RBMS2: variants seen among roughly 807,000 people sequenced by gnomAD.
The protein encoded by RBMS2 is RNA binding motif single stranded interacting protein 2, also known as RNA-binding motif, single-stranded-interacting protein 2.
A neutral mutation model predicts 58.4 loss-of-function variants in RBMS2; 38 were observed. The observed-to-expected ratio is 0.65, with a 90% CI of 0.50 to 0.85. The LOEUF (loss-of-function observed/expected upper bound fraction) is 0.85. Among genes scored for constraint, RBMS2 ranks in the 40% least tolerant of loss-of-function variants. The pLI, the probability that RBMS2 is intolerant of heterozygous loss-of-function variation, is 0.00. For missense variants in RBMS2, 367 were observed against 503.7 expected (o/e 0.73, Z 2.60); for synonymous variants, 151 against 180.7 (o/e 0.84, Z 1.32).
intron 7 of RBMS2, 109 bp downstream of exon 7, chr12:56,581,617 C>A: frequency 8.1e-7 from 1 of 1,241,650 alleles, no homozygotes; most frequent in Non-Finnish European, 1.1e-6. Context: ...AGCTACAGTA[C>A]GTAATTGAGA....
In RBMS2 at chr12:56,590,453, A is replaced by G. The variant is rs1885222703; in HGVS notation, c.*1320A>G. ...ATCTAGTGGCTGCTAAACATCCTAC[A>G]CTGCATAGGATAGTCCCCACTACCC... On this transcript the variant is annotated 3_prime_UTR_variant, in exon 14 of 14. Coordinates refer to ENST00000262031, the MANE Select transcript of RBMS2 (RefSeq NM_002898.4). 1 of 152,212 alleles carries G rather than the reference A, an allele frequency of 6.6e-6. No individual in the cohort carries two copies. The allele number at this position is 152,212 out of a possible 1,614,324, so 9.4% of individuals were successfully genotyped here. A position where few individuals can be genotyped will look rare whatever the true frequency, so the allele number is the denominator to read the frequency against.
At chr12:56,574,267 G>C (rs1193640490) in intron 5 of RBMS2, among the ~76,000 whole-genome samples, 4 of 152,168 alleles carry the variant, frequency 2.6e-5, no homozygotes, top group Non-Finnish European at 5.9e-5. Context: ...CATTGAAAGA[G>C]AGCATGTCTT....
rs545160912 is a variant in RBMS2 at position 56,547,818 on chromosome 12, T to G, written c.67-14599T>G. ...TGCCCACTACCACGCCTGGCTAATTTTTTTTGTATTTTTAGTAAAGACGGG... is the reference window on the plus strand; with the variant it reads ...TGCCCACTACCACGCCTGGCTAATTGTTTTTGTATTTTTAGTAAAGACGGG... On this transcript the variant is annotated intron_variant, in intron 1 of 13. Transcript: ENST00000262031. Among the ~76,000 whole-genome samples the G allele has an allele frequency of 3.2e-4, 48 of 151,696 alleles. 3 individuals are homozygous for G. In the South Asian group the frequency reaches 0.01, roughly 32 times the overall value.
chr12:56,559,477 T>C (rs1879951529), intron 1 of RBMS2, among the ~76,000 whole-genome samples: 2 of 149,506 alleles, frequency 1.3e-5, no homozygotes, highest in Non-Finnish European at 3.0e-5. Flanking sequence ...TGAGCCACCG[T>C]GCCCGGCCAA....
At chr12:56,586,234 A>C (rs1884652088) in intron 9 of RBMS2, among the ~76,000 whole-genome samples, 1 of 152,068 alleles carries the variant, frequency 6.6e-6, no homozygotes, top group African/African-American at 2.4e-5. Context: ...CAGGAGGCTG[A>C]GGTGGGAGAA....
intron 1 of RBMS2, among the ~76,000 whole-genome samples, chr12:56,543,349 G>A (rs1273332001): frequency 3.3e-5 from 5 of 151,824 alleles, no homozygotes; most frequent in African/African-American, 9.7e-5. Flanking sequence ...GCTGGGCGTG[G>A]TGGCAGGCGC....
intron 2 of RBMS2, among the ~76,000 whole-genome samples, chr12:56,564,357 G>T (rs1880962939): frequency 6.6e-6 from 1 of 152,052 alleles, no homozygotes; most frequent in Non-Finnish European, 1.5e-5. Flanking sequence ...AATTCACTGA[G>T]CTCATGTCCC....
rs74095006 is a variant in RBMS2, at chr12:56,587,495, T to C, written c.952-59T>C. 3,371 of 1,562,164 alleles carry C rather than the reference T, an allele frequency of 2.2e-3. 57 individuals carry two copies. In the African/African-American group the frequency reaches 0.035, roughly 16 times the overall value. Reference sequence around the variant, plus strand: ...AGTGGTCCTGACAGCCACCGATCACTGCTTTAGGCAGCCTCACAGGATGCT... The same window carrying C: ...AGTGGTCCTGACAGCCACCGATCACCGCTTTAGGCAGCCTCACAGGATGCT... On this transcript the variant is annotated intron_variant, in intron 10 of 13. Coordinates refer to ENST00000262031, the MANE Select transcript of RBMS2 (RefSeq NM_002898.4).
chr12:56,585,351 T>A (rs1311585562), intron 9 of RBMS2, among the ~76,000 whole-genome samples: 1 of 152,258 alleles, frequency 6.6e-6, no homozygotes, highest in Non-Finnish European at 1.5e-5. Context: ...TATTGGATTA[T>A]TTCAAATCCA....
In RBMS2 at chr12:56,562,710, C is replaced by T. The variant is rs1002732564; in HGVS notation, c.233+127C>T. ...TCAAGTGATCCTCCTGTCTCAGTAG[C>T]TGGGATTACAGATGCATGCCACCAC... On this transcript the variant is annotated intron_variant, in intron 2 of 13. Transcript: ENST00000262031. The T allele has an allele frequency of 1.6e-5, 17 of 1,091,362 alleles. No homozygotes were observed. In the Admixed American group the frequency reaches 2.2e-4, roughly 14 times the overall value. 67.6% of individuals were successfully genotyped at this position (1,091,362 alleles called of 1,614,324 possible). A position where few individuals can be genotyped will look rare whatever the true frequency, so the allele number is the denominator to read the frequency against.
At chr12:56,559,005 A>G (rs1879847458) in intron 1 of RBMS2, among the ~76,000 whole-genome samples, 1 of 152,128 alleles carries the variant, frequency 6.6e-6, no homozygotes, top group Non-Finnish European at 1.5e-5. Context: ...AGGTGGGATT[A>G]CAGGCTTGAG....
intron 1 of RBMS2, among the ~76,000 whole-genome samples, chr12:56,534,184 G>C (rs1190952977): frequency 8.4e-6 from 1 of 119,026 alleles, no homozygotes; most frequent in Non-Finnish European, 2.0e-5. Flanking sequence ...TATAGATGTG[G>C]TTTATCCATT....
intron 13 of RBMS2, 41 bp from the exon 14 acceptor site, chr12:56,589,099 C>T (rs2136617300): frequency 1.2e-6 from 2 of 1,604,138 alleles, no homozygotes; most frequent in Non-Finnish European, 8.5e-7. Context: ...GACAGGTTCT[C>T]ATGTTTGTCT....
At chr12:56,535,637 C>T (rs1186699223) in intron 1 of RBMS2, among the ~76,000 whole-genome samples, 2 of 152,078 alleles carry the variant, frequency 1.3e-5, no homozygotes, top group Admixed American at 6.6e-5. Context: ...TTACACCTGA[C>T]ACCTCCATTT....
intron 1 of RBMS2, among the ~76,000 whole-genome samples, chr12:56,554,985 C>A (rs1017805671): frequency 1.3e-5 from 2 of 151,558 alleles, no homozygotes; most frequent in African/African-American, 4.9e-5. Context: ...ACGAATGATG[C>A]AATGAATATC....
chr12:56,569,879 T>A lies in RBMS2; in HGVS notation c.293-20T>A, dbSNP rs1295422937. ...CCTTACACCTCCCACTTCCTAGTGA[T>A]GCTGTTTCCTCTGTTCCAGGCTATG... On this transcript the variant is annotated intron_variant, in intron 3 of 13. Transcript: ENST00000262031. The A allele has an allele frequency of 6.3e-7, 1 of 1,590,992 alleles. No individual in the cohort carries two copies. Among genetic ancestry groups the A allele is most frequent in the African/African-American group, 1.3e-5 (1 of 74,402 alleles).
intron 1 of RBMS2, among the ~76,000 whole-genome samples, chr12:56,529,523 A>G (rs1425641892): frequency 6.6e-6 from 1 of 151,976 alleles, no homozygotes; most frequent in East Asian, 1.9e-4. Context: ...ACACCACTGT[A>G]CTCCAGCTTG....
intron 1 of RBMS2, among the ~76,000 whole-genome samples, chr12:56,558,590 C>T (rs1267969140): frequency 7.6e-5 from 7 of 92,216 alleles, no homozygotes; most frequent in African/African-American, 8.3e-5. Context: ...TTTCTTTTTC[C>T]TTTTTTTTTT....
chr12:56,585,245 G>A (rs570725033), intron 9 of RBMS2, among the ~76,000 whole-genome samples: 1 of 152,306 alleles, frequency 6.6e-6, no homozygotes, highest in Non-Finnish European at 1.5e-5. Context: ...CTTTGTGTAT[G>A]GCATAAGATA....
Sources: gnomAD v4.1 joint callset for allele counts (sites outside exome capture counted in the v4.1 genomes callset) on GRCh38, gnomAD v4.1.1 for gene constraint, MANE v1.5 for transcripts, NCBI Gene and HGNC (gene_info 2026-07-23, HGNC 2026-07-21) for gene names.